GALNT13: variants seen among roughly 807,000 people sequenced by gnomAD.
The protein encoded by GALNT13 is UDP-GalNAc:polypeptide N-acetylgalactosaminyltransferase 13.
Under a neutral mutation model 64.2 loss-of-function variants are expected in GALNT13, and 28 were observed. The observed-to-expected ratio is 0.44, with a 90% CI of 0.32 to 0.60. The LOEUF (loss-of-function observed/expected upper bound fraction) is 0.60. Ranked by LOEUF, GALNT13 falls within the 20% of genes least tolerant of loss-of-function variation. The pLI is 0.05. For missense variants in GALNT13, 577 were observed against 669.8 expected, an observed-to-expected ratio of 0.86 and a Z score of 1.53; for synonymous variants, 214 against 224.6, an observed-to-expected ratio of 0.95 and a Z score of 0.42.
At chr2:153,666,157 C>A in the GALNT13 span, among the ~76,000 whole-genome samples, 1 of 152,052 alleles carries the variant, frequency 6.6e-6, no homozygotes, top group Non-Finnish European at 1.5e-5. Context: ...TCTATAACTC[C>A]TTTATCAGCA....
chr2:153,965,698 A>T (rs59731501), intron 3 of GALNT13, among the ~76,000 whole-genome samples: 14,157 of 151,360 alleles, frequency 0.094, 1,703 homozygotes, highest in East Asian at 0.63. Context: ...ATTTTAGGTT[A>T]TGCTTTGTAG....
In GALNT13 at chr2:154,303,596, C is replaced by G. The variant is rs370874689; in HGVS notation, c.1156+2007C>G. On this transcript the variant is annotated intron_variant, in intron 9 of 12. Coordinates refer to ENST00000392825, the MANE Select transcript of GALNT13 (RefSeq NM_052917.4). ...AAAACCTTACTGAGGACTCCTGTAC[C>G]CTCACTGCCTAAGTAATTTCATCTT... is the stretch of plus-strand genomic sequence containing the variant. Among the ~76,000 whole-genome samples the G allele has an allele frequency of 6.6e-5, 10 of 152,094 alleles. No individual in the cohort carries two copies. In the East Asian group the frequency reaches 1.9e-3, roughly 29 times the overall value.
Position 154,017,634 on chromosome 2 carries a change from A to T in GALNT13, c.142+72995A>T, listed in dbSNP as rs572223441. Among the ~76,000 whole-genome samples the T allele has an allele frequency of 3.9e-5, 6 of 152,320 alleles. No homozygotes were observed. The East Asian group carries it at 1.2e-3, about 29-fold the overall frequency. ...CTTGCTTAAAAACACTCACAAATTA[A>T]TTTGCAACTTATTATTGACTATAAA... is the stretch of plus-strand genomic sequence containing the variant. On this transcript the variant is annotated intron_variant, in intron 3 of 12. Coordinates refer to ENST00000392825, the MANE Select transcript of GALNT13 (RefSeq NM_052917.4).
chr2:154,104,289 A>G (rs1702498578), intron 3 of GALNT13, among the ~76,000 whole-genome samples: 1 of 152,142 alleles, frequency 6.6e-6, no homozygotes, highest in Admixed American at 6.6e-5. Context: ...AGTCAGTCCA[A>G]AACAGATAGA....
the GALNT13 span, among the ~76,000 whole-genome samples, chr2:153,450,189 A>C: frequency 6.6e-6 from 1 of 152,158 alleles, no homozygotes; most frequent in Non-Finnish European, 1.5e-5. Flanking sequence ...AGCCTATTCT[A>C]CCATCATTTT....
At chr2:154,385,851 T>C (rs912635155) in intron 9 of GALNT13, among the ~76,000 whole-genome samples, 1 of 152,008 alleles carries the variant, frequency 6.6e-6, no homozygotes, top group East Asian at 1.9e-4. Context: ...CCTCATCAAT[T>C]ATAAAGTTAG....
At chr2:153,117,720 A>G in the GALNT13 span, among the ~76,000 whole-genome samples, 3 of 152,104 alleles carry the variant, frequency 2.0e-5, no homozygotes, top group Non-Finnish European at 4.4e-5. Context: ...CTTTTGCTTG[A>G]ATTTCCTGTA....
the GALNT13 span, among the ~76,000 whole-genome samples, chr2:153,394,512 A>G: frequency 2.0e-5 from 3 of 152,088 alleles, no homozygotes; most frequent in African/African-American, 7.2e-5. Flanking sequence ...TACAAATGCT[A>G]ATTCATCCTC....
intron 10 of GALNT13, among the ~76,000 whole-genome samples, chr2:154,405,841 G>C (rs1699510514): frequency 6.6e-6 from 1 of 152,036 alleles, no homozygotes; most frequent in Admixed American, 6.6e-5. Context: ...ATACATTGTA[G>C]GAAATCTCCC....
chr2:153,730,593 A>C, the GALNT13 span, among the ~76,000 whole-genome samples: 1 of 152,026 alleles, frequency 6.6e-6, no homozygotes, highest in Admixed American at 6.6e-5. Flanking sequence ...AAAAGAAATT[A>C]TCAACAAATA....
At chr2:153,338,911 A>T in the GALNT13 span, among the ~76,000 whole-genome samples, 1 of 152,224 alleles carries the variant, frequency 6.6e-6, no homozygotes, top group African/African-American at 2.4e-5. Context: ...TATTTTGCTT[A>T]ACATAATGTC....
At chr2:153,093,816 T>C in the GALNT13 span, among the ~76,000 whole-genome samples, 14 of 152,168 alleles carry the variant, frequency 9.2e-5, no homozygotes, top group Non-Finnish European at 1.3e-4. Context: ...TGGGCCTTTC[T>C]TTACTGGGAG....
the GALNT13 span, among the ~76,000 whole-genome samples, chr2:153,498,701 G>A: frequency 2.0e-5 from 3 of 152,344 alleles, no homozygotes; most frequent in South Asian, 6.2e-4. Flanking sequence ...GCCCTGGCTC[G>A]GGGAACCCCT....
chr2:154,168,536 T>C (rs1298087179), intron 4 of GALNT13, among the ~76,000 whole-genome samples: 3 of 151,970 alleles, frequency 2.0e-5, no homozygotes, highest in Non-Finnish European at 4.4e-5. Context: ...CTAGGTAATT[T>C]GTAAGGAAAG....
the GALNT13 span, among the ~76,000 whole-genome samples, chr2:153,733,758 T>C: frequency 6.6e-6 from 1 of 152,206 alleles, no homozygotes; most frequent in Non-Finnish European, 1.5e-5. Context: ...GTAGTGGTAG[T>C]ATTCATTTCA....
the GALNT13 span, among the ~76,000 whole-genome samples, chr2:153,253,012 C>G: frequency 1.3e-5 from 2 of 151,672 alleles, no homozygotes; most frequent in African/African-American, 4.9e-5. Context: ...TGAAGAAAGT[C>G]ATTGGTAGCT....
chr2:153,276,059 AT>A, the GALNT13 span, among the ~76,000 whole-genome samples: 10 of 152,120 alleles, frequency 6.6e-5, no homozygotes, highest in African/African-American at 2.2e-4. Flanking sequence ...CATTTTTCAT[AT>A]TTGTAAAAGC....
intron 2 of GALNT13, among the ~76,000 whole-genome samples, chr2:153,923,046 C>G (rs1689862788): frequency 6.6e-6 from 1 of 151,926 alleles, no homozygotes; most frequent in Admixed American, 6.6e-5. Flanking sequence ...ATTACAGGCG[C>G]CTGCCACAGT....
At chr2:153,085,612 A>G in the GALNT13 span, among the ~76,000 whole-genome samples, 1 of 152,208 alleles carries the variant, frequency 6.6e-6, no homozygotes, top group African/African-American at 2.4e-5. Context: ...ACAGAAGTCA[A>G]GAATTTAGGT....
Sources: allele counts gnomAD v4.1 joint callset (sites outside exome capture counted in the v4.1 genomes callset), GRCh38; gene constraint gnomAD v4.1.1; transcripts MANE v1.5; gene names NCBI Gene and HGNC (gene_info 2026-07-23, HGNC 2026-07-21).